The following SLC4A10 variants were observed in gnomAD, a reference collection of about 807,000 sequenced individuals.
The protein encoded by SLC4A10 is solute carrier family 4 member 10, also known as sodium-driven chloride bicarbonate exchanger.
Under a neutral mutation model 137.7 loss-of-function variants are expected in SLC4A10, and 42 were observed. That is an observed-to-expected ratio of 0.30 (90% CI 0.24 to 0.39). The LOEUF is 0.39. Among genes scored for constraint, SLC4A10 ranks in the 10% least tolerant of loss-of-function variants. The probability of loss-of-function intolerance (pLI) is 1.00; values close to 1 mark genes in which losing one functional copy is unlikely to be tolerated. For synonymous variants in SLC4A10, 474 were observed against 464.1 expected, an observed-to-expected ratio of 1.02 and a Z score of -0.27; for missense variants, 925 against 1,355.0, an observed-to-expected ratio of 0.68 and a Z score of 4.98.
At chr2:161,885,642 C>G (rs1016738298) in intron 10 of SLC4A10, among the ~76,000 whole-genome samples, 1 of 152,114 alleles carries the variant, frequency 6.6e-6, no homozygotes, top group African/African-American at 2.4e-5. Flanking sequence ...AGAGATAAAT[C>G]ATATGATTAT....
intron 11 of SLC4A10, among the ~76,000 whole-genome samples, chr2:161,895,787 G>C (rs1391587132): frequency 6.6e-6 from 1 of 151,960 alleles, no homozygotes; most frequent in Non-Finnish European, 1.5e-5. Flanking sequence ...AAATTTGTTT[G>C]AGTTCATTGT....
At chr2:161,684,886 G>C (rs980305814) in intron 1 of SLC4A10, among the ~76,000 whole-genome samples, 8 of 152,148 alleles carry the variant, frequency 5.3e-5, no homozygotes, top group African/African-American at 1.9e-4. Context: ...GGTATAGCCA[G>C]AAATAGGCAG....
At chr2:161,681,782 T>C (rs1361838941) in intron 1 of SLC4A10, among the ~76,000 whole-genome samples, 1 of 152,144 alleles carries the variant, frequency 6.6e-6, no homozygotes, top group Non-Finnish European at 1.5e-5. Context: ...TCTTTTCAAT[T>C]TCTGCGTTTG....
At chr2:161,818,016 G>T (rs1451281977) in intron 3 of SLC4A10, among the ~76,000 whole-genome samples, 1 of 152,120 alleles carries the variant, frequency 6.6e-6, no homozygotes, top group East Asian at 1.9e-4. Context: ...ATTCTGTGAA[G>T]AAAGTCATTG....
At chr2:161,660,805 C>A (rs1347184344) in intron 1 of SLC4A10, among the ~76,000 whole-genome samples, 2 of 151,390 alleles carry the variant, frequency 1.3e-5, no homozygotes, top group Non-Finnish European at 2.9e-5. Context: ...AGGCGCCCAC[C>A]ACCACACCCA....
At chr2:161,868,348 C>T (rs1452777167) in intron 6 of SLC4A10, among the ~76,000 whole-genome samples, 1 of 151,608 alleles carries the variant, frequency 6.6e-6, no homozygotes, top group African/African-American at 2.4e-5. Flanking sequence ...AAGAAAATGA[C>T]TTTACCAGTC....
At chr2:161,972,096 C>T (rs1158169111) in intron 23 of SLC4A10, among the ~76,000 whole-genome samples, 1 of 152,152 alleles carries the variant, frequency 6.6e-6, no homozygotes, top group Non-Finnish European at 1.5e-5. Flanking sequence ...CTTTCTTAAA[C>T]CATTCTACCT....
At chr2:161,799,674 G>A (rs1272794423) in intron 2 of SLC4A10, among the ~76,000 whole-genome samples, 4 of 151,786 alleles carry the variant, frequency 2.6e-5, no homozygotes, top group Non-Finnish European at 5.9e-5. Flanking sequence ...TATATTTATC[G>A]TATTAGCTCA....
intron 1 of SLC4A10, among the ~76,000 whole-genome samples, chr2:161,656,136 C>A (rs2037500710): frequency 1.3e-5 from 2 of 152,092 alleles, no homozygotes; most frequent in South Asian, 4.1e-4. Context: ...TACATCATGA[C>A]TGAGTGGGAT....
At chr2:161,708,409 GA>G (rs2043920408) in intron 1 of SLC4A10, among the ~76,000 whole-genome samples, 1 of 151,516 alleles carries the variant, frequency 6.6e-6, no homozygotes, top group African/African-American at 2.4e-5. Flanking sequence ...TTAAAGGACT[GA>G]AAAAATTCAA....
intron 19 of SLC4A10, among the ~76,000 whole-genome samples, chr2:161,955,097 A>G (rs933432353): frequency 1.3e-5 from 2 of 152,120 alleles, no homozygotes; most frequent in Non-Finnish European, 2.9e-5. Context: ...AAATAGCTCC[A>G]AGGGGGCACC....
rs1242270159 is a variant in SLC4A10 at position 161,836,517 on chromosome 2, AAAGAGAGAGAGAG to A, written c.278-3270_278-3258del. Among the ~76,000 whole-genome samples the A allele has an allele frequency of 3.0e-3, 344 of 115,794 alleles. 17 individuals carry two copies. The highest frequency in any genetic ancestry group is 0.013 in the African/African-American group (329 of 24,834). 76.0% of individuals were successfully genotyped at this position (115,794 alleles called of 152,430 possible). On this transcript the variant is annotated intron_variant, in intron 3 of 26. Transcript: ENST00000446997. ...AGAAAAGGAAGAAAAAGAAAGAAAG[AAAGAGAGAGAGAG>A]AGAAAGAAAGAAAGAAAGAAAGAAA...
intron 10 of SLC4A10, among the ~76,000 whole-genome samples, chr2:161,886,623 T>A (rs2062316125): frequency 6.6e-6 from 1 of 152,180 alleles, no homozygotes; most frequent in Non-Finnish European, 1.5e-5. Context: ...CATGAAGAAC[T>A]GCTAAATTTT....
chr2:161,758,656 A>G (rs538609381), intron 1 of SLC4A10, among the ~76,000 whole-genome samples: 3 of 152,106 alleles, frequency 2.0e-5, no homozygotes, highest in East Asian at 1.9e-4. Flanking sequence ...ACTGTGTAGT[A>G]TTCTGATATT....
intron 3 of SLC4A10, among the ~76,000 whole-genome samples, chr2:161,833,958 C>G (rs1484217592): frequency 6.6e-6 from 1 of 152,204 alleles, no homozygotes; most frequent in African/African-American, 2.4e-5. Context: ...CTGATCATCT[C>G]CTCTCAGCCT....
rs191500413 is a variant in SLC4A10 at position 161,944,426 on chromosome 2, C to G, written c.2103+1529C>G. 3.9e-3 allele frequency among the ~76,000 whole-genome samples: 588 copies of G among 151,624 alleles called. 5 individuals are homozygous for G. The highest frequency in any genetic ancestry group is 0.017 in the Middle Eastern group (5 of 294). On this transcript the variant is annotated intron_variant, in intron 16 of 26. Coordinates refer to ENST00000446997, the MANE Select transcript of SLC4A10 (RefSeq NM_001178015.2). ...AATTTAATACTAAATAATAATATTC[C>G]TTCTATGTATTAGCAAATCTTGAAT...
intron 23 of SLC4A10, among the ~76,000 whole-genome samples, chr2:161,969,427 G>A (rs2105938908): frequency 6.6e-6 from 1 of 152,314 alleles, no homozygotes; most frequent in Middle Eastern, 3.4e-3. Flanking sequence ...ATTGCTCTGT[G>A]TAAAGGGAAG....
At chr2:161,822,429 G>A (rs1305340548) in intron 3 of SLC4A10, among the ~76,000 whole-genome samples, 2 of 152,146 alleles carry the variant, frequency 1.3e-5, no homozygotes, top group Non-Finnish European at 2.9e-5. Context: ...TGCTCACACT[G>A]GGTCAGTCTA....
chr2:161,906,014 A>G, intron 15 of SLC4A10, 127 bp downstream of exon 15: 1 of 1,213,298 alleles, frequency 8.2e-7, no homozygotes, highest in South Asian at 1.8e-5. Context: ...CTAAATCCTG[A>G]CTCTCAGAGT....
Sources: allele counts gnomAD v4.1 joint callset (sites outside exome capture counted in the v4.1 genomes callset), GRCh38; gene constraint gnomAD v4.1.1; transcripts MANE v1.5; gene names NCBI Gene and HGNC (gene_info 2026-07-23, HGNC 2026-07-21).